The following ZNF418 variants were observed in gnomAD, a reference collection of about 807,000 sequenced individuals.
ZNF418 encodes the protein zinc finger protein 418.
ZNF418 carries 32 observed loss-of-function variants against 32.0 expected under a neutral mutation model. That is an observed-to-expected ratio of 1.00 (90% confidence interval 0.75 to 1.34). The LOEUF is 1.34. Among genes scored for constraint, ZNF418 ranks in the 40% most tolerant of loss-of-function variants. The pLI is 0.00. For synonymous variants in ZNF418, 276 were observed against 270.7 expected (o/e 1.02, Z -0.19); for missense variants, 804 against 812.5 (o/e 0.99, Z 0.13).
intron 4 of ZNF418, among the ~76,000 whole-genome samples, chr19:57,923,718 G>A (rs566697580): frequency 5.3e-5 from 8 of 152,036 alleles, no homozygotes; most frequent in African/African-American, 1.9e-4. Context: ...GGGACTACAG[G>A]CGCCTGCCAC....
At chr19:57,934,523 TG>T (rs1285573634) in intron 1 of ZNF418, among the ~76,000 whole-genome samples, 1 of 152,162 alleles carries the variant, frequency 6.6e-6, no homozygotes, top group Non-Finnish European at 1.5e-5. Context: ...ACCCCCTCAG[TG>T]GGTTCTTTAC....
At chr19:57,924,765 C>T (rs757836218) in intron 4 of ZNF418, among the ~76,000 whole-genome samples, 8 of 152,142 alleles carry the variant, frequency 5.3e-5, no homozygotes, top group Admixed American at 4.6e-4. Flanking sequence ...AGGAAATTTT[C>T]GTGTCGATCT....
chr19:57,926,524 G>C lies in ZNF418; in HGVS notation c.1657C>G (p.Leu553Val). The C allele has an allele frequency of 6.2e-7, 1 of 1,614,064 alleles. No individual in the cohort carries two copies. Among genetic ancestry groups the C allele is most frequent in the African/African-American group, 1.3e-5 (1 of 75,004 alleles). Residue 553 changes from leucine (L) to valine (V), a missense_variant, in exon 4 of 6, where the codon CTC (leucine) becomes GTC (valine). Leu to Val is a conservative substitution (Grantham distance 32). Coordinates refer to ENST00000396147, the MANE Select transcript of ZNF418 (RefSeq NM_133460.3). ...CGKSFHQSSS[L>V]LRHQKTHTAE... Reference sequence around the variant, plus strand: ...GTGTGAGTTTTCTGATGTCGAAGGAGGGAAGAGCTCTGATGAAATGACTTT... The same window carrying C: ...GTGTGAGTTTTCTGATGTCGAAGGACGGAAGAGCTCTGATGAAATGACTTT...
In ZNF418 at chr19:57,927,080, T is replaced by C; in HGVS notation, c.1101A>G (p.Glu367=). 6.2e-7 allele frequency: 1 copy of C among 1,614,162 alleles called. No individual in the cohort carries two copies. Among genetic ancestry groups the C allele is most frequent in the East Asian group, 2.2e-5 (1 of 44,880 alleles). ...CACATTCTTCACACTCATAAGGTCT[T>C]TCACTAGTGTGACCTCGTTGATGTT... ...LIQHQRGHTS[E]RPYECEECGK... is the part of the protein sequence containing the mutation. Residue 367 remains glutamate, a synonymous_variant, in exon 4 of 6, where the codon GAA becomes GAG. Transcript: ENST00000396147.
intron 4 of ZNF418, among the ~76,000 whole-genome samples, chr19:57,925,301 A>G (rs1258774821): frequency 6.6e-6 from 1 of 152,096 alleles, no homozygotes; most frequent in Non-Finnish European, 1.5e-5. Context: ...TCTACTAAAA[A>G]TACAAAAAAA....
intron 3 of ZNF418, among the ~76,000 whole-genome samples, chr19:57,928,950 C>T (rs1048706919): frequency 2.0e-5 from 3 of 152,050 alleles, no homozygotes; most frequent in African/African-American, 7.2e-5. Flanking sequence ...GCTGAGATCA[C>T]GCCACTGTAC....
chr19:57,928,715 C>T (rs112219102), intron 3 of ZNF418, among the ~76,000 whole-genome samples: 1,789 of 151,270 alleles, frequency 0.012, 37 homozygotes, highest in African/African-American at 0.039. Flanking sequence ...CACACTTGGC[C>T]GGGTGCGGTG....
In ZNF418 at chr19:57,933,877, T is replaced by C. The variant is rs2072584888; in HGVS notation, c.-55A>G. The C allele has an allele frequency of 1.2e-6, 2 of 1,613,962 alleles. No homozygotes were observed. Among genetic ancestry groups the C allele is most frequent in the Non-Finnish European group, 8.5e-7 (1 of 1,180,022 alleles). The stretch of plus-strand genomic sequence containing the variant: ...TTCCTCCTCCCTCAAACACAGTGTG[T>C]TCTCTTCTTTGCAGCCAGATGATGC... On this transcript the variant is annotated 5_prime_UTR_variant, in exon 2 of 6. Transcript: ENST00000396147.
At chr19:57,923,523 TATAC>T (rs1231340095) in intron 4 of ZNF418, among the ~76,000 whole-genome samples, 3 of 144,188 alleles carry the variant, frequency 2.1e-5, no homozygotes, top group African/African-American at 7.9e-5. Context: ...TATATACATA[TATAC>T]ATATATATAC....
intron 2 of ZNF418, among the ~76,000 whole-genome samples, chr19:57,931,529 G>A (rs1442892288): frequency 1.3e-5 from 2 of 151,948 alleles, no homozygotes; most frequent in African/African-American, 4.8e-5. Flanking sequence ...GATAGCACAG[G>A]CACATGTCAC....
intron 4 of ZNF418, among the ~76,000 whole-genome samples, chr19:57,923,561 C>A (rs2072091200): frequency 6.6e-6 from 1 of 150,506 alleles, no homozygotes; most frequent in Non-Finnish European, 1.5e-5. Flanking sequence ...CACACACACA[C>A]ACACATATAT....
intron 3 of ZNF418, among the ~76,000 whole-genome samples, chr19:57,929,711 C>G (rs1348403355): frequency 1.3e-5 from 2 of 149,638 alleles, no homozygotes; most frequent in Admixed American, 1.3e-4. Flanking sequence ...GAGACGGAGT[C>G]TTGCTCTGTT....
At chr19:57,932,323 C>A in intron 2 of ZNF418, 1 of 1,008,536 alleles carries the variant, frequency 9.9e-7, no homozygotes, top group Non-Finnish European at 1.5e-6. Context: ...TATCACCACA[C>A]ACCAACGTTG....
At chr19:57,932,485 C>T in intron 2 of ZNF418, 1 of 1,535,378 alleles carries the variant, frequency 6.5e-7, no homozygotes, top group Non-Finnish European at 8.7e-7. Context: ...TCTATGAAGG[C>T]CTTCTTGCAT....
intron 3 of ZNF418, among the ~76,000 whole-genome samples, chr19:57,928,430 G>C (rs1002737071): frequency 1.6e-4 from 25 of 152,004 alleles, no homozygotes; most frequent in African/African-American, 6.0e-4. Context: ...AGGCCAATAC[G>C]CCCAGCTACT....
chr19:57,933,719 T>TA, intron 2 of ZNF418, 98 bp downstream of exon 2: 1 of 1,467,674 alleles, frequency 6.8e-7, no homozygotes, highest in Non-Finnish European at 9.5e-7. Flanking sequence ...AGACTCCCGC[T>TA]CAAAAAAAAA....
intron 4 of ZNF418, among the ~76,000 whole-genome samples, chr19:57,924,861 A>T (rs12609410): frequency 0.25 from 38,617 of 152,072 alleles, 5,348 homozygotes; most frequent in Non-Finnish European, 0.31. Context: ...CTAGTCAACA[A>T]ATAAGGACCA....
In ZNF418 at chr19:57,927,201, C is replaced by A; in HGVS notation, c.980G>T (p.Gly327Val). ...AACTCGTTGATGTTTAATGAGAGTA[C>A]CATTTTGACTAAAAGATTTCCCACA... Reference protein sequence around the residue: ...GECGKSFSQNGTLIKHQRVHT... With the variant: ...GECGKSFSQNVTLIKHQRVHT... The change falls in exon 4 of 6, where the codon GGT (glycine) becomes GTT (valine). Residue 327 changes from glycine to valine, a missense_variant. By Grantham distance (109) the Gly-to-Val change is moderately radical. This residue lies in a region of ZNF418 where 475 missense variants were observed against 458.6 expected (regional missense o/e 1.04). Transcript: ENST00000396147. The A allele has an allele frequency of 6.2e-7, 1 of 1,614,018 alleles. No individual in the cohort carries two copies. The highest frequency in any genetic ancestry group is 2.2e-5 in the East Asian group (1 of 44,844).
intron 2 of ZNF418, among the ~76,000 whole-genome samples, chr19:57,931,232 G>A (rs995952540): frequency 1.3e-5 from 2 of 151,624 alleles, no homozygotes; most frequent in Non-Finnish European, 2.9e-5. Flanking sequence ...ATGGAGTTTC[G>A]CTCTTGTTGC....
Sources: allele counts gnomAD v4.1 joint callset (sites outside exome capture counted in the v4.1 genomes callset), GRCh38; gene constraint gnomAD v4.1.1; regional missense constraint gnomAD v4.1.1; transcripts MANE v1.5; gene names NCBI Gene and HGNC (gene_info 2026-07-23, HGNC 2026-07-21).